The following CMC1 variants were observed in gnomAD, a reference collection of about 807,000 sequenced individuals.
CMC1 encodes C-X9-C motif containing 1.
Under a neutral mutation model 14.1 loss-of-function variants are expected in CMC1, and 14 were observed. The ratio of observed to expected loss-of-function variants is 0.99; its 90% CI spans 0.66 to 1.55. CMC1 has a LOEUF of 1.55. Ranked by LOEUF, CMC1 falls within the 40% of genes most tolerant of loss-of-function variation. CMC1 has a pLI of 0.00. For missense variants in CMC1, 127 were observed against 123.8 expected (o/e 1.03, Z -0.12); for synonymous variants, 50 against 38.4 (o/e 1.30, Z -1.12).
intron 1 of CMC1, among the ~76,000 whole-genome samples, chr3:28,261,755 G>C (rs1002666577): frequency 1.2e-4 from 19 of 152,082 alleles, no homozygotes; most frequent in African/African-American, 4.6e-4. Context: ...GGTTTCAGGA[G>C]CCCCATATTT....
At chr3:28,303,607 A>T (rs567325604) in intron 2 of CMC1, among the ~76,000 whole-genome samples, 1 of 152,158 alleles carries the variant, frequency 6.6e-6, no homozygotes, top group Admixed American at 6.5e-5. Flanking sequence ...ATCTTTGTCA[A>T]AGAAGTTAGA....
intron 2 of CMC1, among the ~76,000 whole-genome samples, chr3:28,293,746 G>A (rs1559430936): frequency 1.3e-5 from 2 of 151,476 alleles, no homozygotes; most frequent in Non-Finnish European, 2.9e-5. Flanking sequence ...CATGCCTGGC[G>A]AATTTTTGTA....
chr3:28,323,976 A>G lies in CMC1; in HGVS notation c.*4347A>G. Reference sequence around the variant, plus strand: ...AAAATCTCCTTTCAGTTTGTTAAATAATTTCTTGGGAGGACCACTGAAAGA... The same window carrying G: ...AAAATCTCCTTTCAGTTTGTTAAATGATTTCTTGGGAGGACCACTGAAAGA... On this transcript the variant is annotated 3_prime_UTR_variant, in exon 4 of 4. Coordinates refer to ENST00000466830, the MANE Select transcript of CMC1 (RefSeq NM_182523.2). 2.7e-6 allele frequency: 4 copies of G among 1,481,774 alleles called. No homozygotes were observed. The highest frequency in any genetic ancestry group is 3.6e-6 in the Non-Finnish European group (4 of 1,099,256). The allele number at this position is 1,481,774 out of a possible 1,614,324, so 91.8% of individuals were successfully genotyped here.
rs1703271786 is a variant in CMC1, at chr3:28,323,803, A to T, written c.*4174A>T. The T allele has an allele frequency of 3.1e-6, 1 of 326,652 alleles. No individual in the cohort carries two copies. Among genetic ancestry groups the T allele is most frequent in the Admixed American group, 4.5e-5 (1 of 22,210 alleles). 20.2% of individuals were successfully genotyped at this position (326,652 alleles called of 1,614,324 possible). ...TTTTTTAAACACCTTAAGTTTACTTATTAATTAGTATAGTAGCATATTTCA... is the reference window on the plus strand; with the variant it reads ...TTTTTTAAACACCTTAAGTTTACTTTTTAATTAGTATAGTAGCATATTTCA... On this transcript the variant is annotated 3_prime_UTR_variant, in exon 4 of 4. Transcript: ENST00000466830.
intron 1 of CMC1, among the ~76,000 whole-genome samples, chr3:28,244,101 G>C (rs145982816): frequency 6.6e-6 from 1 of 152,216 alleles, no homozygotes; most frequent in East Asian, 1.9e-4. Flanking sequence ...TAAATGCCTA[G>C]ATATTGCAGA....
At chr3:28,255,751 A>G (rs971634294) in intron 1 of CMC1, among the ~76,000 whole-genome samples, 32 of 151,522 alleles carry the variant, frequency 2.1e-4, no homozygotes, top group Non-Finnish European at 4.6e-4. Flanking sequence ...ACACACACAC[A>G]CACGCGACAG....
chr3:28,286,368 TA>T (rs1274975608), intron 2 of CMC1, among the ~76,000 whole-genome samples: 1 of 152,210 alleles, frequency 6.6e-6, no homozygotes, highest in Non-Finnish European at 1.5e-5. Context: ...ATAGTTTATA[TA>T]GGGTTGTTAT....
In CMC1 at chr3:28,324,376, T is replaced by C; in HGVS notation, c.*4747T>C. ...TGGTAAGAGAGGGGGATGTCTTGTG[T>C]ATGTTGCAGTAAAATTCATCAAGTG... On this transcript the variant is annotated 3_prime_UTR_variant, in exon 4 of 4. Transcript: ENST00000466830. The C allele has an allele frequency of 1.3e-6, 2 of 1,571,880 alleles. No individual in the cohort carries two copies. Among genetic ancestry groups the C allele is most frequent in the Non-Finnish European group, 8.6e-7 (1 of 1,158,820 alleles).
chr3:28,244,289 C>T (rs936321030), intron 1 of CMC1, among the ~76,000 whole-genome samples: 7 of 152,082 alleles, frequency 4.6e-5, no homozygotes, highest in Non-Finnish European at 1.0e-4. Flanking sequence ...AGAAGGGAGA[C>T]AGGTTAAGGG....
chr3:28,261,192 CAG>C (rs1337878911), intron 1 of CMC1, among the ~76,000 whole-genome samples: 4 of 150,184 alleles, frequency 2.7e-5, no homozygotes, highest in African/African-American at 9.8e-5. Context: ...TTTTTTCTAT[CAG>C]AGCATATTCT....
intron 2 of CMC1, among the ~76,000 whole-genome samples, chr3:28,288,506 T>A (rs1175969577): frequency 6.6e-6 from 1 of 152,048 alleles, no homozygotes; most frequent in Non-Finnish European, 1.5e-5. Flanking sequence ...TAAATGTTTC[T>A]TTAGGAAATT....
chr3:28,256,933 G>A (rs1699442815), intron 1 of CMC1, among the ~76,000 whole-genome samples: 1 of 152,040 alleles, frequency 6.6e-6, no homozygotes, highest in Admixed American at 6.6e-5. Flanking sequence ...TGATTATAAG[G>A]ACAACATAAA....
intron 2 of CMC1, among the ~76,000 whole-genome samples, chr3:28,276,140 C>A (rs997568759): frequency 6.6e-6 from 1 of 152,114 alleles, no homozygotes; most frequent in Non-Finnish European, 1.5e-5. Context: ...GTGAGAAAAC[C>A]TAGATACCTC....
intron 2 of CMC1, among the ~76,000 whole-genome samples, chr3:28,304,804 T>A (rs1206778162): frequency 6.6e-6 from 1 of 152,230 alleles, no homozygotes; most frequent in African/African-American, 2.4e-5. Context: ...GAAAGTTTTA[T>A]AACTTGGAAT....
chr3:28,304,379 C>T (rs143617275), intron 2 of CMC1, among the ~76,000 whole-genome samples: 1 of 151,752 alleles, frequency 6.6e-6, no homozygotes, highest in East Asian at 1.9e-4. Flanking sequence ...TCCCTGAAAC[C>T]TGTGAATATG....
chr3:28,243,552 G>A (rs1448024576), intron 1 of CMC1, among the ~76,000 whole-genome samples: 1 of 152,164 alleles, frequency 6.6e-6, no homozygotes, highest in Non-Finnish European at 1.5e-5. Context: ...CTCCAATCTT[G>A]TGTTGTACCC....
chr3:28,281,240 C>T (rs914023840), intron 2 of CMC1, among the ~76,000 whole-genome samples: 1 of 152,080 alleles, frequency 6.6e-6, no homozygotes, highest in Non-Finnish European at 1.5e-5. Flanking sequence ...TTAAGTATGG[C>T]AGGGGAGATA....
At chr3:28,253,683 A>G (rs563129050) in intron 1 of CMC1, 1 of 1,075,108 alleles carries the variant, frequency 9.3e-7, no homozygotes, top group East Asian at 6.0e-5. Flanking sequence ...TGCTAATGAG[A>G]ACACTGTTGC....
intron 2 of CMC1, among the ~76,000 whole-genome samples, chr3:28,270,896 CTT>C (rs1214655748): frequency 1.7e-5 from 2 of 120,418 alleles, no homozygotes; most frequent in African/African-American, 6.3e-5. Context: ...ACATTTATGT[CTT>C]TAATTCATCT....
Sources: allele counts gnomAD v4.1 joint callset (sites outside exome capture counted in the v4.1 genomes callset), GRCh38; gene constraint gnomAD v4.1.1; transcripts MANE v1.5; gene names NCBI Gene and HGNC (gene_info 2026-07-23, HGNC 2026-07-21).